The following ANGPT4 variants were observed in gnomAD, a reference collection of about 807,000 sequenced individuals.
ANGPT4 encodes angiopoietin-4.
ANGPT4 carries 50 observed loss-of-function variants against 53.0 expected under a neutral mutation model. The ratio of observed to expected loss-of-function variants is 0.94; its 90% CI spans 0.75 to 1.20. ANGPT4 has a LOEUF of 1.20. Ranked by LOEUF, ANGPT4 falls within the 50% of genes most tolerant of loss-of-function variation. The probability of loss-of-function intolerance (pLI) is 0.00; values close to 1 mark genes in which losing one functional copy is unlikely to be tolerated. For missense variants in ANGPT4, 648 were observed against 637.1 expected (o/e 1.02, Z -0.18); for synonymous variants, 251 against 259.7 (o/e 0.97, Z 0.32).
At chr20:890,124 G>A (rs1981774851) in intron 2 of ANGPT4, 89 bp downstream of exon 2, 1 of 1,506,578 alleles carries the variant, frequency 6.6e-7, no homozygotes, top group Non-Finnish European at 9.0e-7. Context: ...ACCCTACTCA[G>A]GGTCAGAGAT....
Position 890,204 on chromosome 20 carries a change from C to T in ANGPT4, c.465+9G>A. ...GGCCCTCAGTGCCCACTCAGTCACC[C>T]TCTGTTACCTGAGCCTCCATGTCGG... On this transcript the variant is annotated intron_variant, in intron 2 of 8. Transcript: ENST00000381922. 6.2e-7 allele frequency: 1 copy of T among 1,612,242 alleles called. No homozygotes were observed. The highest frequency in any genetic ancestry group is 1.1e-5 in the South Asian group (1 of 90,942).
chr20:899,424 A>AT (rs1210698682), intron 1 of ANGPT4, among the ~76,000 whole-genome samples: 241 of 147,524 alleles, frequency 1.6e-3, no homozygotes, highest in Admixed American at 4.5e-3. Flanking sequence ...ATTTTTTTGT[A>AT]TTTTTTTTTT....
intron 7 of ANGPT4, among the ~76,000 whole-genome samples, chr20:875,086 G>T (rs769348248): frequency 1.6e-4 from 25 of 151,936 alleles, no homozygotes; most frequent in Non-Finnish European, 3.1e-4. Flanking sequence ...GCTTTGCATA[G>T]GTTAACTCAT....
chr20:875,443 C>T (rs558095344), intron 7 of ANGPT4, among the ~76,000 whole-genome samples: 2 of 152,292 alleles, frequency 1.3e-5, no homozygotes, highest in Admixed American at 1.3e-4. Flanking sequence ...GGCTCTGTGG[C>T]CTTGGTGGGC....
At chr20:895,035 C>T (rs1289066338) in intron 1 of ANGPT4, among the ~76,000 whole-genome samples, 1 of 152,176 alleles carries the variant, frequency 6.6e-6, no homozygotes, top group Non-Finnish European at 1.5e-5. Context: ...ATAATCTGGG[C>T]CAGATGGGCT....
At chr20:881,724 A>G (rs368495777) in intron 4 of ANGPT4, among the ~76,000 whole-genome samples, 111 of 152,146 alleles carry the variant, frequency 7.3e-4, no homozygotes, top group African/African-American at 2.6e-3. Flanking sequence ...AAAAGGAGAG[A>G]CGAAGCTGAG....
Position 890,115 on chromosome 20 carries a change from C to A in ANGPT4, c.465+98G>T, listed in dbSNP as rs191261839. On this transcript the variant is annotated intron_variant, in intron 2 of 8. Coordinates refer to ENST00000381922, the MANE Select transcript of ANGPT4 (RefSeq NM_015985.4). ...GCTACAGGCCCAGAGGAGGCCTTGA[C>A]CCTACTCAGGGTCAGAGATCAAGGT... 7.0e-5 allele frequency: 103 copies of A among 1,465,066 alleles called. 1 individual carries two copies. The Middle Eastern group carries it at 3.4e-3, about 48-fold the overall frequency. The allele number at this position is 1,465,066 out of a possible 1,614,324, so 90.8% of individuals were successfully genotyped here.
chr20:892,592 C>T (rs1342051708), intron 1 of ANGPT4, among the ~76,000 whole-genome samples: 3 of 105,628 alleles, frequency 2.8e-5, no homozygotes. Context: ...GAGACCGTGT[C>T]TCAAAAAAAA....
At chr20:913,474 G>A (rs770749617) in intron 1 of ANGPT4, among the ~76,000 whole-genome samples, 8 of 152,180 alleles carry the variant, frequency 5.3e-5, no homozygotes, top group South Asian at 2.1e-4. Context: ...TAGGCCCTAC[G>A]GCACTCTACG....
intron 1 of ANGPT4, among the ~76,000 whole-genome samples, chr20:903,948 A>G (rs1982383404): frequency 6.6e-6 from 1 of 152,164 alleles, no homozygotes; most frequent in African/African-American, 2.4e-5. Context: ...ACAGATGGGA[A>G]AACTGAGGTC....
chr20:882,581 C>T (rs1053949938), intron 4 of ANGPT4, among the ~76,000 whole-genome samples: 1 of 152,142 alleles, frequency 6.6e-6, no homozygotes, highest in African/African-American at 2.4e-5. Context: ...ATTTCCTGGG[C>T]AGTGGAGACC....
chr20:899,461 G>C (rs982311261), intron 1 of ANGPT4, among the ~76,000 whole-genome samples: 3 of 151,842 alleles, frequency 2.0e-5, no homozygotes, highest in Non-Finnish European at 2.9e-5. Context: ...CACCGTGTTA[G>C]CCAGGATATT....
intron 1 of ANGPT4, among the ~76,000 whole-genome samples, chr20:901,529 C>G (rs1321294855): frequency 6.6e-6 from 1 of 152,196 alleles, no homozygotes; most frequent in African/African-American, 2.4e-5. Flanking sequence ...CACCTGCACT[C>G]AGGTGATTAA....
In ANGPT4 at chr20:891,873, A is replaced by G. The variant is rs190521271; in HGVS notation, c.310-1505T>C. ...TTTCTCCAAGTGTGGTTCTTCCGTC[A>G]GCATCAGCTGAGCTCATTAAAAATG... On this transcript the variant is annotated intron_variant, in intron 1 of 8. Transcript: ENST00000381922. 3.4e-4 allele frequency among the ~76,000 whole-genome samples: 52 copies of G among 152,308 alleles called. 1 individual carries two copies. In the East Asian group the frequency reaches 7.2e-3, roughly 21 times the overall value.
chr20:915,790 G>T, intron 1 of ANGPT4, 116 bp downstream of exon 1: 1 of 1,313,428 alleles, frequency 7.6e-7, no homozygotes, highest in Non-Finnish European at 1.0e-6. Context: ...TCTTTGTGCA[G>T]CTCAGAGACA....
intron 1 of ANGPT4, 50 bp from the exon 2 acceptor site, chr20:890,418 C>G: frequency 6.5e-7 from 1 of 1,544,322 alleles, no homozygotes; most frequent in African/African-American, 1.4e-5. Context: ...GGGGAAGCCC[C>G]CTGTCCCTCC....
At chr20:873,298 CT>C (rs766532183) in intron 8 of ANGPT4, among the ~76,000 whole-genome samples, 178 bp from the exon 9 acceptor site, 2 of 152,078 alleles carry the variant, frequency 1.3e-5, no homozygotes, top group Non-Finnish European at 2.9e-5. Flanking sequence ...AACAGACCCT[CT>C]GCTCAGCCGG....
rs1038032533 is a variant in ANGPT4, at chr20:872,564, G to C, written c.*396C>G. The C allele has an allele frequency of 6.0e-6, 1 of 167,990 alleles. No homozygotes were observed. The highest frequency in any genetic ancestry group is 1.7e-4 in the East Asian group (1 of 5,820). 10.4% of individuals were successfully genotyped at this position (167,990 alleles called of 1,614,324 possible). Reference sequence around the variant, plus strand: ...GGAGATGGCCTTCTTGCCAATCCAAGGGAGAGAACCTGGGCCATCTGGGCA... The same window carrying C: ...GGAGATGGCCTTCTTGCCAATCCAACGGAGAGAACCTGGGCCATCTGGGCA... On this transcript the variant is annotated 3_prime_UTR_variant, in exon 9 of 9. Coordinates refer to ENST00000381922, the MANE Select transcript of ANGPT4 (RefSeq NM_015985.4).
At chr20:891,058 A>G (rs1981826932) in intron 1 of ANGPT4, among the ~76,000 whole-genome samples, 1 of 152,178 alleles carries the variant, frequency 6.6e-6, no homozygotes, top group Non-Finnish European at 1.5e-5. Context: ...GGTTTTGCTC[A>G]CTGCCTTGTT....
Sources: allele counts gnomAD v4.1 joint callset (sites outside exome capture counted in the v4.1 genomes callset), GRCh38; gene constraint gnomAD v4.1.1; transcripts MANE v1.5; gene names NCBI Gene and HGNC (gene_info 2026-07-23, HGNC 2026-07-21).